Variants in GRID2 observed in about 807,000 individuals in gnomAD.
GRID2 encodes the protein glutamate ionotropic receptor delta type subunit 2, also known as glutamate receptor ionotropic, delta-2.
In GRID2, 33 loss-of-function variants were observed where a neutral mutation model predicts 114.8. The observed-to-expected ratio is 0.29, with a 90% CI of 0.22 to 0.38. The LOEUF (loss-of-function observed/expected upper bound fraction) is 0.38. GRID2 is among the 10% of genes least tolerant of loss of function. The pLI, the probability that GRID2 is intolerant of heterozygous loss-of-function variation, is 1.00. For synonymous variants in GRID2, 505 were observed against 449.9 expected (o/e 1.12, Z -1.55); for missense variants, 1,184 against 1,257.7 (o/e 0.94, Z 0.89).
intron 8 of GRID2, among the ~76,000 whole-genome samples, chr4:93,365,261 A>T (rs184846386): frequency 1.6e-4 from 24 of 152,256 alleles, no homozygotes; most frequent in Admixed American, 9.8e-4. Flanking sequence ...ATCCAGGCCC[A>T]ATCTTTATTT....
At chr4:92,424,400 A>G (rs1381749868) in intron 1 of GRID2, among the ~76,000 whole-genome samples, 1 of 152,080 alleles carries the variant, frequency 6.6e-6, no homozygotes, top group Admixed American at 6.6e-5. Flanking sequence ...ATCGTAGTTG[A>G]TATGACAGGA....
chr4:92,649,080 A>C (rs1305300720), intron 2 of GRID2, among the ~76,000 whole-genome samples: 2 of 132,902 alleles, frequency 1.5e-5, no homozygotes, highest in African/African-American at 6.3e-5. Context: ...CTTTACTAAA[A>C]GTTAACTATA....
intron 2 of GRID2, among the ~76,000 whole-genome samples, chr4:92,903,968 AT>A (rs1242611370): frequency 6.6e-6 from 1 of 151,898 alleles, no homozygotes; most frequent in Non-Finnish European, 1.5e-5. Flanking sequence ...CATCATTCTC[AT>A]CTTTGATTCT....
intron 14 of GRID2, among the ~76,000 whole-genome samples, chr4:93,661,589 A>G (rs1723497705): frequency 6.6e-6 from 1 of 152,194 alleles, no homozygotes; most frequent in African/African-American, 2.4e-5. Flanking sequence ...TTCTATAAAC[A>G]GAAACATGCA....
At chr4:93,388,532 T>A (rs1191004653) in intron 8 of GRID2, among the ~76,000 whole-genome samples, 1 of 152,172 alleles carries the variant, frequency 6.6e-6, no homozygotes, top group African/African-American at 2.4e-5. Flanking sequence ...AAGACTCATA[T>A]GATTTGAATT....
At chr4:93,127,369 C>A (rs568874325) in intron 4 of GRID2, among the ~76,000 whole-genome samples, 5 of 152,058 alleles carry the variant, frequency 3.3e-5, no homozygotes, top group Admixed American at 1.3e-4. Flanking sequence ...TTTTGACTTA[C>A]GATTTTTAGA....
At chr4:92,747,944 AG>A (rs918082796) in intron 2 of GRID2, among the ~76,000 whole-genome samples, 2 of 152,170 alleles carry the variant, frequency 1.3e-5, no homozygotes, top group African/African-American at 4.8e-5. Flanking sequence ...TCCCTATACT[AG>A]AAGTTTCTGA....
At chr4:92,394,745 T>C (rs1196674108) in intron 1 of GRID2, among the ~76,000 whole-genome samples, 1 of 151,986 alleles carries the variant, frequency 6.6e-6, no homozygotes, top group Non-Finnish European at 1.5e-5. Context: ...TCAGTAAACA[T>C]TTATTTTGAT....
At chr4:93,561,739 A>G (rs1208175012) in intron 13 of GRID2, among the ~76,000 whole-genome samples, 1 of 152,024 alleles carries the variant, frequency 6.6e-6, no homozygotes, top group Non-Finnish European at 1.5e-5. Context: ...CTGCTTCCAT[A>G]CTTTTGTCTT....
chr4:92,454,998 G>C lies in GRID2; in HGVS notation c.89-135133G>C, dbSNP rs553788573. On this transcript the variant is annotated intron_variant, in intron 1 of 15. Coordinates refer to ENST00000282020, the MANE Select transcript of GRID2 (RefSeq NM_001510.4). ...TTAAACTGTTTTCCTACTTGGTTAA[G>C]ATTCTACTGTATGTCTAGCTGTAAA... Among the ~76,000 whole-genome samples, 17 of 152,256 alleles carry C rather than the reference G, an allele frequency of 1.1e-4. No individual in the cohort carries two copies. The East Asian group carries it at 3.1e-3, about 28-fold the overall frequency.
intron 14 of GRID2, among the ~76,000 whole-genome samples, chr4:93,678,717 A>G (rs1186114887): frequency 1.3e-5 from 2 of 151,592 alleles, no homozygotes; most frequent in Non-Finnish European, 2.9e-5. Flanking sequence ...CTTTACAGAC[A>G]AGCAAGTGCT....
At chr4:92,773,748 T>C (rs1026103610) in intron 2 of GRID2, among the ~76,000 whole-genome samples, 9 of 152,076 alleles carry the variant, frequency 5.9e-5, no homozygotes, top group African/African-American at 2.2e-4. Flanking sequence ...AGTCACACTA[T>C]ATCCCTTAGC....
intron 2 of GRID2, among the ~76,000 whole-genome samples, chr4:93,082,136 G>A (rs1225155870): frequency 6.6e-6 from 1 of 152,148 alleles, no homozygotes; most frequent in African/African-American, 2.4e-5. Context: ...GTTCTTATAT[G>A]TGCACAACTG....
intron 1 of GRID2, among the ~76,000 whole-genome samples, chr4:92,443,761 G>C (rs375505223): frequency 1.3e-5 from 2 of 152,280 alleles, no homozygotes; most frequent in East Asian, 3.9e-4. Context: ...AGGACTTGCC[G>C]CTAAGGGTGA....
At chr4:93,286,765 TTA>T (rs545217626) in intron 8 of GRID2, among the ~76,000 whole-genome samples, 7,540 of 151,704 alleles carry the variant, frequency 0.05, 628 homozygotes, top group African/African-American at 0.17. Context: ...CCAACCAGAA[TTA>T]TATATATATC....
chr4:93,589,297 T>C (rs1336219399), intron 13 of GRID2, among the ~76,000 whole-genome samples: 3 of 150,074 alleles, frequency 2.0e-5, no homozygotes, highest in Admixed American at 6.7e-5. Context: ...TGAGAATATG[T>C]GGTGTTTGGT....
intron 1 of GRID2, among the ~76,000 whole-genome samples, chr4:92,311,339 T>C (rs1725699995): frequency 6.6e-6 from 1 of 152,058 alleles, no homozygotes; most frequent in Non-Finnish European, 1.5e-5. Flanking sequence ...GCTTTTATCC[T>C]ACTGTTGTTC....
chr4:92,842,648 G>C (rs1742993705), intron 2 of GRID2, among the ~76,000 whole-genome samples: 1 of 151,960 alleles, frequency 6.6e-6, no homozygotes, highest in African/African-American at 2.4e-5. Flanking sequence ...TTTTCTCCTT[G>C]CCTAGAAGAG....
chr4:93,437,719 T>G (rs1209907852), intron 10 of GRID2, among the ~76,000 whole-genome samples: 1 of 152,150 alleles, frequency 6.6e-6, no homozygotes, highest in Non-Finnish European at 1.5e-5. Flanking sequence ...TTGCATTTAA[T>G]CACACTCCAT....
Sources: allele counts gnomAD v4.1 joint callset (sites outside exome capture counted in the v4.1 genomes callset), GRCh38; gene constraint gnomAD v4.1.1; transcripts MANE v1.5; gene names NCBI Gene and HGNC (gene_info 2026-07-23, HGNC 2026-07-21).